TP73: variants seen among roughly 807,000 people sequenced by gnomAD.
TP73 encodes the protein p53-like transcription factor.
Under a neutral mutation model 62.5 loss-of-function variants are expected in TP73, and 25 were observed. The observed-to-expected ratio is 0.40, with a 90% CI of 0.29 to 0.56. The LOEUF (loss-of-function observed/expected upper bound fraction) is 0.56. Ranked by LOEUF, TP73 falls within the 20% of genes least tolerant of loss-of-function variation. The probability of loss-of-function intolerance (pLI) is 0.46; values close to 1 mark genes in which losing one functional copy is unlikely to be tolerated. For missense variants in TP73, 754 were observed against 913.3 expected, an observed-to-expected ratio of 0.83 and a Z score of 2.25; for synonymous variants, 423 against 377.5, an observed-to-expected ratio of 1.12 and a Z score of -1.40.
At chr1:3,723,672 T>C (rs1347122041) in intron 6 of TP73, among the ~76,000 whole-genome samples, 1 of 152,208 alleles carries the variant, frequency 6.6e-6, no homozygotes, top group Non-Finnish European at 1.5e-5. Context: ...CTGTGCACAC[T>C]GCTGCTCTGT....
chr1:3,691,874 G>A (rs935482537), intron 3 of TP73, among the ~76,000 whole-genome samples: 5 of 152,226 alleles, frequency 3.3e-5, no homozygotes, highest in Admixed American at 6.5e-5. Flanking sequence ...ATCTGGGGAC[G>A]GAGGCCTTTG....
chr1:3,731,092 A>C (rs754862894), intron 12 of TP73, 27 bp downstream of exon 12: 56 of 1,602,850 alleles, frequency 3.5e-5, no homozygotes, highest in Non-Finnish European at 4.8e-5. Flanking sequence ...GGGCCTGAGC[A>C]TGTGCTGTCA....
At chr1:3,661,813 G>T (rs1644996857) in intron 1 of TP73, among the ~76,000 whole-genome samples, 2 of 144,930 alleles carry the variant, frequency 1.4e-5, no homozygotes, top group Non-Finnish European at 3.0e-5. Flanking sequence ...TATAATATAT[G>T]TATTATATAT....
chr1:3,727,418 G>T (rs368161412), intron 7 of TP73, 194 bp downstream of exon 7: 3 of 933,150 alleles, frequency 3.2e-6, no homozygotes, highest in East Asian at 2.7e-5. Flanking sequence ...CCGGAGGGAG[G>T]TGGGAGTCCC....
rs777853193 is a variant in TP73, at chr1:3,701,190, C to T, written c.187-6359C>T. On this transcript the variant is annotated intron_variant, in intron 3 of 13. Transcript: ENST00000378295. This position sits in a 1 kb window ranked among gnomAD's most constrained non-coding sequence, Gnocchi z 4.7. The stretch of plus-strand genomic sequence containing the variant: ...ACACCTCGGGGAACAGGAGAGACCC[C>T]GACCCCTGTGAGCACCTGCCCCCGA... 2.0e-5 allele frequency among the ~76,000 whole-genome samples: 3 copies of T among 152,152 alleles called. No homozygotes were observed. Among genetic ancestry groups the T allele is most frequent in the Non-Finnish European group, 2.9e-5 (2 of 68,032 alleles).
At chr1:3,711,491 G>A (rs189127786) in intron 4 of TP73, among the ~76,000 whole-genome samples, 5 of 152,370 alleles carry the variant, frequency 3.3e-5, no homozygotes, top group East Asian at 1.9e-4. Flanking sequence ...GATGGGCATC[G>A]GATGCTGTGA....
intron 1 of TP73, among the ~76,000 whole-genome samples, chr1:3,657,944 G>A (rs1018617797): frequency 1.3e-5 from 2 of 152,240 alleles, no homozygotes; most frequent in African/African-American, 2.4e-5. Flanking sequence ...CGGGAGAGGC[G>A]AGACCCGGGC....
intron 1 of TP73, among the ~76,000 whole-genome samples, chr1:3,664,055 T>C (rs1006214103): frequency 2.0e-5 from 3 of 152,202 alleles, no homozygotes; most frequent in African/African-American, 7.2e-5. Flanking sequence ...CTGAGCTGCC[T>C]ATGGGACCAC....
In TP73 at chr1:3,663,758, G is replaced by A. The variant is rs1362302494; in HGVS notation, c.-34+11117G>A. On this transcript the variant is annotated intron_variant, in intron 1 of 13. Coordinates refer to ENST00000378295, the MANE Select transcript of TP73 (RefSeq NM_005427.4). This position sits in a 1 kb window ranked among gnomAD's most constrained non-coding sequence, Gnocchi z 4.7. Reference sequence around the variant, plus strand: ...ATCCTGAACCGGGGGCTGGGGCCAGGTCTGAAGGCTCTGATCTTCCTTTCT... The same window carrying A: ...ATCCTGAACCGGGGGCTGGGGCCAGATCTGAAGGCTCTGATCTTCCTTTCT... Among the ~76,000 whole-genome samples, 2 of 152,088 alleles carry A rather than the reference G, an allele frequency of 1.3e-5. No homozygotes were observed. The highest frequency in any genetic ancestry group is 3.8e-4 in the East Asian group (2 of 5,196).
chr1:3,695,500 A>G (rs1200281012), intron 3 of TP73, among the ~76,000 whole-genome samples: 1 of 152,134 alleles, frequency 6.6e-6, no homozygotes, highest in East Asian at 1.9e-4. Context: ...GTGGGCATCC[A>G]TGCGTTGCGG....
At chr1:3,695,492 G>A (rs930517782) in intron 3 of TP73, among the ~76,000 whole-genome samples, 9 of 152,224 alleles carry the variant, frequency 5.9e-5, no homozygotes, top group Non-Finnish European at 1.2e-4. Flanking sequence ...TCCGCATGGT[G>A]GGCATCCATG....
intron 1 of TP73, among the ~76,000 whole-genome samples, chr1:3,673,069 G>A (rs563191024): frequency 5.9e-5 from 9 of 152,336 alleles, no homozygotes; most frequent in South Asian, 4.1e-4. Context: ...TCTGTTTACC[G>A]CGTTGCATGC....
chr1:3,721,361 G>T (rs1641054849), intron 4 of TP73, among the ~76,000 whole-genome samples: 2 of 152,228 alleles, frequency 1.3e-5, no homozygotes, highest in East Asian at 1.9e-4. Context: ...GCCCAGAGGG[G>T]CCCCCAGAGT....
intron 4 of TP73, among the ~76,000 whole-genome samples, chr1:3,721,181 C>T (rs1303550290): frequency 6.6e-6 from 1 of 152,242 alleles, no homozygotes; most frequent in East Asian, 1.9e-4. Context: ...TGAGAGCCGG[C>T]CTGGGTCCTC....
chr1:3,673,848 C>A (rs1249556954), intron 1 of TP73, among the ~76,000 whole-genome samples: 3 of 152,162 alleles, frequency 2.0e-5, no homozygotes, highest in Non-Finnish European at 4.4e-5. Context: ...GAGGGGCTTC[C>A]CAGGCAGGGT....
chr1:3,684,122 C>T (rs991289224), intron 3 of TP73, among the ~76,000 whole-genome samples: 1 of 152,184 alleles, frequency 6.6e-6, no homozygotes, highest in Admixed American at 6.5e-5. Flanking sequence ...GGGCACCACA[C>T]GTGAGGAGAG....
chr1:3,662,229 G>T lies in TP73; in HGVS notation c.-34+9588G>T, dbSNP rs1026615557. 2 of 152,234 alleles carry T rather than the reference G, an allele frequency of 1.3e-5. No homozygotes were observed. Among genetic ancestry groups the T allele is most frequent in the African/African-American group, 4.8e-5 (2 of 41,448 alleles). 9.4% of individuals were successfully genotyped at this position (152,234 alleles called of 1,614,324 possible). ...CCTGCAGCTGTGGCATCCACAGGGA[G>T]TAAGGCCAGCCACGGAGGTCCTTTC... On this transcript the variant is annotated intron_variant, in intron 1 of 13. Coordinates refer to ENST00000378295, the MANE Select transcript of TP73 (RefSeq NM_005427.4). The surrounding 1 kb of genome is among the most constrained non-coding windows in gnomAD (Gnocchi z 4.4).
chr1:3,721,879 A>C, intron 4 of TP73, 142 bp from the exon 5 acceptor site: 4 of 838,928 alleles, frequency 4.8e-6, no homozygotes, highest in Non-Finnish European at 7.3e-6. Flanking sequence ...GGGATTCAGC[A>C]GAGGGGCTGC....
intron 3 of TP73, among the ~76,000 whole-genome samples, chr1:3,697,413 G>A (rs928824199): frequency 6.6e-6 from 1 of 152,166 alleles, no homozygotes; most frequent in African/African-American, 2.4e-5. Flanking sequence ...CCCCAGCCTG[G>A]AAACACCCCC....
Sources: gnomAD v4.1 joint callset for allele counts (sites outside exome capture counted in the v4.1 genomes callset) on GRCh38, gnomAD v4.1.1 for gene constraint, Gnocchi (gnomAD v3.1) non-coding constraint, MANE v1.5 for transcripts, NCBI Gene and HGNC (gene_info 2026-07-23, HGNC 2026-07-21) for gene names.